The following C6 variants were observed in gnomAD, a reference collection of about 807,000 sequenced individuals.
The protein encoded by C6 is complement component C6.
In C6, 101 loss-of-function variants were observed where a neutral mutation model predicts 112.9. The observed-to-expected ratio is 0.89, with a 90% CI of 0.76 to 1.06. The LOEUF is 1.06. Ranked by LOEUF, C6 falls within the 50% of genes least tolerant of loss-of-function variation. The pLI, the probability that C6 is intolerant of heterozygous loss-of-function variation, is 0.00. For missense variants in C6, 1,202 were observed against 1,104.6 expected (o/e 1.09, Z -1.25); for synonymous variants, 431 against 384.1 (o/e 1.12, Z -1.43).
intron 1 of C6, among the ~76,000 whole-genome samples, chr5:41,238,632 A>G (rs1044142801): frequency 7.2e-5 from 11 of 152,220 alleles, no homozygotes; most frequent in African/African-American, 2.7e-4. Context: ...GTGCTGACAA[A>G]TGATTAACAC....
At chr5:41,177,700 C>A (rs1367914783) in intron 7 of C6, among the ~76,000 whole-genome samples, 3 of 152,150 alleles carry the variant, frequency 2.0e-5, no homozygotes, top group Non-Finnish European at 4.4e-5. Context: ...AAAGAATCAG[C>A]ATTAATCTCC....
intron 1 of C6, among the ~76,000 whole-genome samples, chr5:41,242,372 C>T (rs1025797956): frequency 3.3e-5 from 5 of 152,194 alleles, no homozygotes; most frequent in Non-Finnish European, 7.3e-5. Context: ...GCCTGCCTCT[C>T]CTTTGCCTTC....
In C6 at chr5:41,204,503, G is replaced by A. The variant is rs529434230; in HGVS notation, c.-20-1253C>T. 1.5e-4 allele frequency among the ~76,000 whole-genome samples: 23 copies of A among 152,116 alleles called. No homozygotes were observed. In the East Asian group the frequency reaches 1.5e-3, roughly 10 times the overall value. On this transcript the variant is annotated intron_variant, in intron 1 of 17. Transcript: ENST00000337836. ...TTATATTTCTACGTGATTAGTTTAC[G>A]TTTCTTAGTTTTCATGAAAGGATAC... is the stretch of plus-strand genomic sequence containing the variant.
At position 41,163,310 on chromosome 5, in the gene C6, CTT is replaced by C. The variant is rs35341613; in HGVS notation, c.1292-1453_1292-1452del. On this transcript the variant is annotated intron_variant, in intron 9 of 17. Transcript: ENST00000337836. ...TGTAATATATGTATTTATCAATGAA[CTT>C]TTTTTTTTTTTTTTTTTGAGATAGA... 4.0e-3 allele frequency among the ~76,000 whole-genome samples: 532 copies of C among 134,492 alleles called. 2 individuals are homozygous for C. The highest frequency in any genetic ancestry group is 0.013 in the African/African-American group (478 of 36,908). The allele number at this position is 134,492 out of a possible 152,430, so 88.2% of individuals were successfully genotyped here. A position where few individuals can be genotyped will look rare whatever the true frequency, so the allele number is the denominator to read the frequency against.
At chr5:41,194,868 C>T (rs1404221272) in intron 5 of C6, among the ~76,000 whole-genome samples, 1 of 152,098 alleles carries the variant, frequency 6.6e-6, no homozygotes, top group African/African-American at 2.4e-5. Flanking sequence ...ATTGGGTATT[C>T]CTGTAGTAGG....
At chr5:41,246,267 G>A (rs1176346051) in intron 1 of C6, among the ~76,000 whole-genome samples, 1 of 152,000 alleles carries the variant, frequency 6.6e-6, no homozygotes, top group Non-Finnish European at 1.5e-5. Context: ...TCTGTTTCTA[G>A]GCCATTGCTT....
chr5:41,152,674 C>T (rs1340409401), intron 15 of C6: 1 of 152,194 alleles, frequency 6.6e-6, no homozygotes, highest in Non-Finnish European at 1.5e-5. Context: ...CCGGAACTCT[C>T]CTGAACTTGG....
At chr5:41,187,953 A>C (rs1749911492) in intron 5 of C6, among the ~76,000 whole-genome samples, 1 of 152,154 alleles carries the variant, frequency 6.6e-6, no homozygotes, top group Non-Finnish European at 1.5e-5. Context: ...AAAATCAACA[A>C]ACAAAAATCA....
At chr5:41,158,964 G>T in intron 12 of C6, 118 bp downstream of exon 12, 1 of 1,302,682 alleles carries the variant, frequency 7.7e-7, no homozygotes, top group Non-Finnish European at 1.1e-6. Flanking sequence ...TTCTGTGTTG[G>T]CATAGGTAAA....
intron 13 of C6, among the ~76,000 whole-genome samples, chr5:41,155,772 CAAA>C (rs537526902): frequency 6.9e-6 from 1 of 144,234 alleles, no homozygotes; most frequent in African/African-American, 2.5e-5. Flanking sequence ...AAACCCAAAA[CAAA>C]AAAAAAATAG....
chr5:41,243,574 T>C (rs1027055855), intron 1 of C6, among the ~76,000 whole-genome samples: 4 of 152,202 alleles, frequency 2.6e-5, no homozygotes, highest in Non-Finnish European at 4.4e-5. Context: ...ACAATGAGAC[T>C]AGTTACTAAG....
intron 1 of C6, among the ~76,000 whole-genome samples, chr5:41,235,302 C>T (rs1384900908): frequency 2.8e-5 from 4 of 141,608 alleles, no homozygotes; most frequent in Non-Finnish European, 4.6e-5. Context: ...GTTCAATTCC[C>T]ACCTATGCGT....
At chr5:41,203,989 T>A (rs903858939) in intron 1 of C6, among the ~76,000 whole-genome samples, 2 of 152,174 alleles carry the variant, frequency 1.3e-5, no homozygotes, top group African/African-American at 4.8e-5. Flanking sequence ...CCACAACAGG[T>A]TGAGCGGAAA....
At chr5:41,222,372 A>G (rs1336087271) in intron 1 of C6, among the ~76,000 whole-genome samples, 2 of 152,018 alleles carry the variant, frequency 1.3e-5, no homozygotes, top group African/African-American at 4.8e-5. Context: ...TTTAAATATT[A>G]CATTTAACTT....
intron 13 of C6, among the ~76,000 whole-genome samples, chr5:41,157,048 C>T (rs1746982118): frequency 6.6e-6 from 1 of 152,068 alleles, no homozygotes; most frequent in African/African-American, 2.4e-5. Flanking sequence ...GGCATATCTG[C>T]CTCTATTTGA....
At chr5:41,222,873 G>A (rs891711720) in intron 1 of C6, among the ~76,000 whole-genome samples, 1 of 152,004 alleles carries the variant, frequency 6.6e-6, no homozygotes. Context: ...TAATTACAAC[G>A]TTCAATAGAA....
chr5:41,161,704 T>A lies in C6; in HGVS notation c.1447A>T (p.Ile483Phe). Residue 483 changes from isoleucine (I) to phenylalanine (F), a missense_variant, in exon 10 of 18, where the codon ATT becomes TTT. Coordinates refer to ENST00000337836, the MANE Select transcript of C6 (RefSeq NM_000065.5). ...LESVKENPAV[I>F]DFELAPIVDL... ...ATTTTTACTCTTACCTCAAAGTCAA[T>A]CACAGCAGGATTTTCCTTCACTGAT... is the stretch of plus-strand genomic sequence containing the variant. 9 of 1,613,494 alleles carry A rather than the reference T, an allele frequency of 5.6e-6. No individual in the cohort carries two copies. The highest frequency in any genetic ancestry group is 2.2e-5 in the East Asian group (1 of 44,844).
chr5:41,199,656 A>G, intron 4 of C6, 112 bp downstream of exon 4: 1 of 1,081,620 alleles, frequency 9.2e-7, no homozygotes, highest in Admixed American at 1.7e-5. Context: ...CACTCTGCTT[A>G]AAATGTGGTG....
chr5:41,220,544 T>A (rs534616967), intron 1 of C6, among the ~76,000 whole-genome samples: 1 of 152,272 alleles, frequency 6.6e-6, no homozygotes, highest in African/African-American at 2.4e-5. Context: ...AGATTTATTT[T>A]TTATTAATTA....
Sources: gnomAD v4.1 joint callset for allele counts (sites outside exome capture counted in the v4.1 genomes callset) on GRCh38, gnomAD v4.1.1 for gene constraint, MANE v1.5 for transcripts, NCBI Gene and HGNC (gene_info 2026-07-23, HGNC 2026-07-21) for gene names.